The following KIAA1549 variants were observed in gnomAD, a reference collection of about 807,000 sequenced individuals.
The protein encoded by KIAA1549 is KIAA1549.
Under a neutral mutation model 156.4 loss-of-function variants are expected in KIAA1549, and 70 were observed. The observed-to-expected ratio is 0.45, with a 90% CI of 0.37 to 0.55. KIAA1549 has a LOEUF of 0.55. Among genes scored for constraint, KIAA1549 ranks in the 20% least tolerant of loss-of-function variants. The pLI is 0.00. For synonymous variants in KIAA1549, 1,103 were observed against 1,066.4 expected (o/e 1.03, Z -0.67); for missense variants, 2,428 against 2,540.9 (o/e 0.96, Z 0.96).
chr7:138,924,969 C>T (rs1033512952), intron 1 of KIAA1549, among the ~76,000 whole-genome samples: 4 of 152,180 alleles, frequency 2.6e-5, no homozygotes, highest in Admixed American at 2.0e-4. Flanking sequence ...ACTCCTGCAC[C>T]GCTCCCAGCT....
intron 17 of KIAA1549, among the ~76,000 whole-genome samples, chr7:138,847,008 C>T (rs994779325): frequency 1.2e-4 from 19 of 152,144 alleles, no homozygotes; most frequent in African/African-American, 3.6e-4. Context: ...AAGAGCCTTC[C>T]GTGAGGCATG....
chr7:138,916,078 T>C (rs538196942), intron 2 of KIAA1549, among the ~76,000 whole-genome samples: 1 of 152,290 alleles, frequency 6.6e-6, no homozygotes, highest in African/African-American at 2.4e-5. Context: ...ACTACTTTTC[T>C]TTCCTCGGGA....
At chr7:138,852,093 G>T in intron 17 of KIAA1549, 130 bp downstream of exon 17, 3 of 576,328 alleles carry the variant, frequency 5.2e-6, no homozygotes, top group Admixed American at 3.4e-5. Context: ...TCCTCTTCTG[G>T]TTAGATCAAG....
Position 138,844,432 on chromosome 7 carries a change from C to T in KIAA1549, c.5337G>A (p.Val1779=), listed in dbSNP as rs758948868. 1 of 1,583,634 alleles carries T rather than the reference C, an allele frequency of 6.3e-7. No homozygotes were observed. The highest frequency in any genetic ancestry group is 1.2e-5 in the South Asian group (1 of 85,624). The change falls in exon 18 of 20, where the codon GTG becomes GTA. Residue 1779 remains valine, a synonymous_variant. Transcript: ENST00000422774. ...CCTGTGGCTGCTGAGGGTCAGGGGG[C>T]ACCAGCTCTGTAGACTGCAGCAAAC... ...GPGLLQSTEL[V]PPDPQQPQAS... is the part of the protein sequence containing the mutation.
At chr7:138,863,655 T>C (rs1810652859) in intron 15 of KIAA1549, among the ~76,000 whole-genome samples, 1 of 152,172 alleles carries the variant, frequency 6.6e-6, no homozygotes, top group Non-Finnish European at 1.5e-5. Context: ...AGCTCTGGCA[T>C]GACCAGGCCC....
At chr7:138,973,214 T>C (rs941005166) in intron 1 of KIAA1549, among the ~76,000 whole-genome samples, 1 of 152,254 alleles carries the variant, frequency 6.6e-6, no homozygotes, top group Non-Finnish European at 1.5e-5. Context: ...CCTGCCACCA[T>C]TAAGTTATAG....
At chr7:138,946,703 C>G (rs983499692) in intron 1 of KIAA1549, among the ~76,000 whole-genome samples, 1 of 152,140 alleles carries the variant, frequency 6.6e-6, no homozygotes, top group African/African-American at 2.4e-5. Flanking sequence ...CACTTGAACT[C>G]TGGAGGCAGA....
At chr7:138,856,742 A>C (rs6467814) in intron 16 of KIAA1549, among the ~76,000 whole-genome samples, 71,489 of 151,992 alleles carry the variant, frequency 0.47, 19,539 homozygotes, top group African/African-American at 0.76. Flanking sequence ...GAACTCACTT[A>C]ACTGCTTAGA....
At chr7:138,935,535 C>T (rs1812985765) in intron 1 of KIAA1549, among the ~76,000 whole-genome samples, 2 of 152,148 alleles carry the variant, frequency 1.3e-5, no homozygotes, top group African/African-American at 2.4e-5. Flanking sequence ...AAAACACAGT[C>T]CTGTAACAAC....
In KIAA1549 at chr7:138,832,917, C is replaced by T. The variant is rs1809581839; in HGVS notation, c.*4989G>A. On this transcript the variant is annotated 3_prime_UTR_variant, in exon 20 of 20. Transcript: ENST00000422774. ...ATTAGGTAACAAGTGTTAAGTCTAT[C>T]ATAGTTGATGAGTATGTTACAGCAG... 1 of 230,398 alleles carries T rather than the reference C, an allele frequency of 4.3e-6. No individual in the cohort carries two copies. Among genetic ancestry groups the T allele is most frequent in the South Asian group, 1.8e-4 (1 of 5,496 alleles). The allele number at this position is 230,398 out of a possible 1,614,324, so 14.3% of individuals were successfully genotyped here.
rs545350780 is a variant in KIAA1549 at position 138,916,880 on chromosome 7, G to A, written c.2746C>T (p.Pro916Ser). Reference protein sequence around the residue: ...SQSPPESSAAPPLPSLRPVTA... With the variant: ...SQSPPESSAASPLPSLRPVTA... ...ACGGGACGCAGGGATGGCAGGGGAG[G>A]AGCAGCACTACTCTCTGGGGGGCTC... Residue 916 changes from proline to serine, a missense_variant, in exon 2 of 20, where the codon CCT (proline) becomes TCT (serine). Physicochemically the swap from Pro to Ser is moderately conservative, Grantham distance 74 (BLOSUM62 -1). Coordinates refer to ENST00000422774, the MANE Select transcript of KIAA1549 (RefSeq NM_001164665.2). The A allele has an allele frequency of 1.4e-5, 22 of 1,613,902 alleles. No homozygotes were observed. The South Asian group carries it at 1.5e-4, about 11-fold the overall frequency.
intron 1 of KIAA1549, among the ~76,000 whole-genome samples, chr7:138,956,043 A>G (rs904723596): frequency 6.6e-6 from 1 of 152,114 alleles, no homozygotes; most frequent in African/African-American, 2.4e-5. Flanking sequence ...ACAGGTGTGC[A>G]CCACCAAGCT....
intron 10 of KIAA1549, among the ~76,000 whole-genome samples, chr7:138,891,709 T>C (rs1389419932): frequency 3.3e-5 from 5 of 152,058 alleles, no homozygotes; most frequent in Non-Finnish European, 7.4e-5. Flanking sequence ...TGCTGAAGGA[T>C]TTCCGAGAGT....
At chr7:138,944,575 C>T (rs1216188846) in intron 1 of KIAA1549, among the ~76,000 whole-genome samples, 4 of 151,892 alleles carry the variant, frequency 2.6e-5, no homozygotes, top group African/African-American at 7.3e-5. Context: ...TGGAAGCAGG[C>T]GTTCAAACCA....
At chr7:138,840,439 A>T (rs963260007) in intron 18 of KIAA1549, among the ~76,000 whole-genome samples, 161 bp from the exon 19 acceptor site, 2 of 151,446 alleles carry the variant, frequency 1.3e-5, no homozygotes, top group African/African-American at 2.4e-5. Flanking sequence ...TCTCACCTCA[A>T]CTGCCATACT....
intron 9 of KIAA1549, among the ~76,000 whole-genome samples, chr7:138,898,057 C>T (rs1811737323): frequency 6.6e-6 from 1 of 151,564 alleles, no homozygotes; most frequent in African/African-American, 2.4e-5. Flanking sequence ...TGCAGTAATC[C>T]CAGCACTTTG....
At chr7:138,932,076 G>A (rs953458382) in intron 1 of KIAA1549, among the ~76,000 whole-genome samples, 2 of 152,034 alleles carry the variant, frequency 1.3e-5, no homozygotes, top group Admixed American at 1.3e-4. Flanking sequence ...TTTTGTTATG[G>A]GTCTGCAACG....
At chr7:138,966,570 AGG>A (rs1176415368) in intron 1 of KIAA1549, among the ~76,000 whole-genome samples, 1 of 151,974 alleles carries the variant, frequency 6.6e-6, no homozygotes, top group Non-Finnish European at 1.5e-5. Context: ...AGAAACACGT[AGG>A]CTGGGAGGCT....
intron 1 of KIAA1549, among the ~76,000 whole-genome samples, chr7:138,938,708 T>C (rs968963609): frequency 1.3e-5 from 2 of 152,266 alleles, no homozygotes; most frequent in African/African-American, 4.8e-5. Flanking sequence ...GCTATTACAA[T>C]AAATTGTTTA....
Sources: gnomAD v4.1 joint callset for allele counts (sites outside exome capture counted in the v4.1 genomes callset) on GRCh38, gnomAD v4.1.1 for gene constraint, MANE v1.5 for transcripts, NCBI Gene and HGNC (gene_info 2026-07-23, HGNC 2026-07-21) for gene names.